Variants in CCDC170 observed in about 807,000 individuals in gnomAD.
CCDC170 encodes coiled-coil domain-containing protein 170.
In CCDC170, 69 loss-of-function variants were observed where a neutral mutation model predicts 72.6. That is an observed-to-expected ratio of 0.95 (90% CI 0.78 to 1.16). CCDC170 has a LOEUF of 1.16. CCDC170 is among the 50% of genes most tolerant of loss of function. The pLI, the probability that CCDC170 is intolerant of heterozygous loss-of-function variation, is 0.00. For synonymous variants in CCDC170, 300 were observed against 303.9 expected (o/e 0.99, Z 0.13); for missense variants, 852 against 832.5 (o/e 1.02, Z -0.29).
At chr6:151,572,186 A>C (rs578236005) in intron 5 of CCDC170, among the ~76,000 whole-genome samples, 11 of 152,154 alleles carry the variant, frequency 7.2e-5, no homozygotes, top group Admixed American at 2.6e-4. Flanking sequence ...TCTTCTAAGT[A>C]TGATACTTTC....
At chr6:151,516,047 A>G (rs189639588) in intron 1 of CCDC170, among the ~76,000 whole-genome samples, 1 of 151,896 alleles carries the variant, frequency 6.6e-6, no homozygotes. Context: ...GCCTGGTGAC[A>G]GAGCAAGATT....
intron 1 of CCDC170, among the ~76,000 whole-genome samples, chr6:151,512,152 G>GTTTTTTTTTT (rs1247040921): frequency 7.2e-6 from 1 of 138,398 alleles, no homozygotes; most frequent in African/African-American, 2.9e-5. Flanking sequence ...GCAGTATACC[G>GTTTTTTTTTT]TTTTTTTTTG....
In CCDC170 at chr6:151,540,974, A is replaced by G. The variant is rs1279490727; in HGVS notation, c.443+2673A>G. On this transcript the variant is annotated intron_variant, in intron 3 of 10. Coordinates refer to ENST00000239374, the MANE Select transcript of CCDC170 (RefSeq NM_025059.4). ...TTCTGTTCTCATTCAGGGTAAAGAC[A>G]GTGTTTTCTATGAGCCAAAAGGCTC... 2.6e-5 allele frequency among the ~76,000 whole-genome samples: 4 copies of G among 152,240 alleles called. No individual in the cohort carries two copies. In the South Asian group the frequency reaches 6.2e-4, roughly 24 times the overall value.
In CCDC170 at chr6:151,512,171, T is replaced by G. The variant is rs1782160520; in HGVS notation, c.57+17986T>G. On this transcript the variant is annotated intron_variant, in intron 1 of 10. Coordinates refer to ENST00000239374, the MANE Select transcript of CCDC170 (RefSeq NM_025059.4). ...TATACCGTTTTTTTTTGTTTTTTTT[T>G]TTTTTTGAGATGGAGTCTCGCTCTG... Among the ~76,000 whole-genome samples the G allele has an allele frequency of 4.0e-5, 6 of 150,186 alleles. No homozygotes were observed. The South Asian group carries it at 1.1e-3, about 27-fold the overall frequency.
At position 151,501,314 on chromosome 6, in the gene CCDC170, T is replaced by A. The variant is rs115183083; in HGVS notation, c.57+7129T>A. 1.7e-3 allele frequency among the ~76,000 whole-genome samples: 256 copies of A among 151,998 alleles called. 2 individuals are homozygous for A. Among genetic ancestry groups the A allele is most frequent in the African/African-American group, 5.3e-3 (220 of 41,416 alleles). ...TGGCTTCTGGACTAGAAAAAGGACA[T>A]TAGTGAAAAAAAAACTGATTATATT... is the stretch of plus-strand genomic sequence containing the variant. On this transcript the variant is annotated intron_variant, in intron 1 of 10. Coordinates refer to ENST00000239374, the MANE Select transcript of CCDC170 (RefSeq NM_025059.4).
At chr6:151,567,749 A>G (rs1055348682) in intron 5 of CCDC170, among the ~76,000 whole-genome samples, 4 of 152,134 alleles carry the variant, frequency 2.6e-5, no homozygotes, top group Non-Finnish European at 5.9e-5. Flanking sequence ...ACAGATAGCA[A>G]CTCTCACCAC....
intron 3 of CCDC170, among the ~76,000 whole-genome samples, chr6:151,540,357 CCTT>C (rs199827810): frequency 0.01 from 1,387 of 134,364 alleles, 29 homozygotes; most frequent in African/African-American, 0.035. Context: ...TCCTCCTCCT[CCTT>C]CTTCTGCTGC....
intron 5 of CCDC170, among the ~76,000 whole-genome samples, chr6:151,572,670 G>GTTTTTTTTTTTTTTTTTTTTT (rs1776240252): frequency 3.7e-5 from 1 of 27,332 alleles, no homozygotes; most frequent in Non-Finnish European, 7.2e-5. Flanking sequence ...TTTTTTTTTT[G>GTTTTTTTTTTTTTTTTTTTTT]ATGGAGTCTT....
chr6:151,573,489 C>T lies in CCDC170; in HGVS notation c.1090C>T (p.Arg364Trp), dbSNP rs771946519. The T allele has an allele frequency of 1.1e-5, 17 of 1,612,684 alleles. No individual in the cohort carries two copies. Among genetic ancestry groups the T allele is most frequent in the African/African-American group, 1.3e-5 (1 of 74,990 alleles). ...GGACAGCCGGGAAGAAAGCAGGGAC[C>T]GGGTGAGTGGGTCATGGCTGTTTAC... ...EMDSREESRD[R>W]MVSQLEAQIS... The change falls in exon 6 of 11, where the codon CGG becomes TGG. Residue 364 changes from arginine to tryptophan, a missense_variant and splice_region_variant. Coordinates refer to ENST00000239374, the MANE Select transcript of CCDC170 (RefSeq NM_025059.4).
At chr6:151,596,729 C>A in intron 9 of CCDC170, 152 bp downstream of exon 9, 1 of 1,073,840 alleles carries the variant, frequency 9.3e-7, no homozygotes, top group Non-Finnish European at 1.3e-6. Context: ...GCAAAAATGA[C>A]ACAAATCAGG....
At chr6:151,522,709 G>T (rs866768159) in intron 1 of CCDC170, among the ~76,000 whole-genome samples, 2 of 152,352 alleles carry the variant, frequency 1.3e-5, no homozygotes, top group African/African-American at 4.8e-5. Context: ...TTCTACAGAA[G>T]TAACTTGCCT....
At chr6:151,528,615 G>A (rs1389945845) in intron 1 of CCDC170, among the ~76,000 whole-genome samples, 1 of 152,200 alleles carries the variant, frequency 6.6e-6, no homozygotes, top group East Asian at 1.9e-4. Context: ...GGAGGCTGAG[G>A]CGAGTGGATC....
intron 1 of CCDC170, among the ~76,000 whole-genome samples, chr6:151,528,665 C>G (rs1430951560): frequency 1.3e-5 from 2 of 152,014 alleles, no homozygotes; most frequent in African/African-American, 4.8e-5. Context: ...TGGTGAAACC[C>G]CATCTCTACT....
Position 151,615,594 on chromosome 6 carries a change from G to C in CCDC170, c.1862G>C (p.Arg621Thr). Residue 621 changes from arginine to threonine, a missense_variant, in exon 10 of 11, where the codon AGG (arginine) becomes ACG (threonine). Transcript: ENST00000239374. ...TEHEAKENKE[R>T]ARNMIEVVTS... ...CATGAGGCTAAGGAGAATAAAGAAA[G>C]GGCCAGAAACATGATAGAAGTGGTA... 1 of 1,614,022 alleles carries C rather than the reference G, an allele frequency of 6.2e-7. No homozygotes were observed. The highest frequency in any genetic ancestry group is 1.3e-5 in the African/African-American group (1 of 75,018).
rs1456287430 is a variant in CCDC170, at chr6:151,546,991, TA to T, written c.589-1311del. Among the ~76,000 whole-genome samples the T allele has an allele frequency of 5.1e-5, 3 of 58,884 alleles. 1 individual carries two copies. In the South Asian group the frequency reaches 1.8e-3, roughly 36 times the overall value. 38.6% of individuals were successfully genotyped at this position (58,884 alleles called of 152,430 possible). ...CGGCCACGTGAGCAGGTGCCTGTCT[TA>T]AGAAGAAAAAAAAAAAAAATTGGCC... On this transcript the variant is annotated intron_variant, in intron 4 of 10. Transcript: ENST00000239374.
At chr6:151,593,918 GA>G (rs1776583174) in intron 8 of CCDC170, among the ~76,000 whole-genome samples, 1 of 152,230 alleles carries the variant, frequency 6.6e-6, no homozygotes, top group Non-Finnish European at 1.5e-5. Context: ...TACCTAGCTA[GA>G]AAAAAATTCA....
chr6:151,526,138 TCCCTCCC>T (rs1782406333), intron 1 of CCDC170, among the ~76,000 whole-genome samples: 1 of 148,916 alleles, frequency 6.7e-6, no homozygotes, highest in African/African-American at 2.5e-5. Context: ...CTTCCTTCCC[TCCCTCCC>T]TCTCTCCCTC....
intron 9 of CCDC170, 66 bp from the exon 10 acceptor site, chr6:151,615,377 G>A (rs1175447038): frequency 1.1e-5 from 12 of 1,106,488 alleles, no homozygotes; most frequent in Non-Finnish European, 1.4e-5. Flanking sequence ...CTTCTGATTT[G>A]TCATGTTTAT....
At chr6:151,577,984 T>A (rs1358300112) in intron 6 of CCDC170, among the ~76,000 whole-genome samples, 1 of 152,160 alleles carries the variant, frequency 6.6e-6, no homozygotes, top group African/African-American at 2.4e-5. Flanking sequence ...ACTGGAGATG[T>A]GCTTCACAGC....
Sources: gnomAD v4.1 joint callset for allele counts (sites outside exome capture counted in the v4.1 genomes callset) on GRCh38, gnomAD v4.1.1 for gene constraint, MANE v1.5 for transcripts, NCBI Gene and HGNC (gene_info 2026-07-23, HGNC 2026-07-21) for gene names.